LRBA: variants seen among roughly 807,000 people sequenced by gnomAD.
LRBA encodes the protein LPS responsive beige-like anchor protein.
In LRBA, 176 loss-of-function variants were observed where a neutral mutation model predicts 330.0. That is an observed-to-expected ratio of 0.53 (90% CI 0.47 to 0.60). The LOEUF is 0.60. Ranked by LOEUF, LRBA falls within the 20% of genes least tolerant of loss-of-function variation. The pLI is 0.00. For synonymous variants in LRBA, 1,230 were observed against 1,193.0 expected (o/e 1.03, Z -0.64); for missense variants, 3,259 against 3,444.8 (o/e 0.95, Z 1.35).
intron 40 of LRBA, among the ~76,000 whole-genome samples, chr4:150,525,810 A>C (rs1763404552): frequency 6.6e-6 from 1 of 152,174 alleles, no homozygotes; most frequent in African/African-American, 2.4e-5. Flanking sequence ...GCTAGGTTGT[A>C]GGCAAGGAAA....
chr4:150,761,091 T>G (rs981504270), intron 35 of LRBA, among the ~76,000 whole-genome samples: 1 of 152,132 alleles, frequency 6.6e-6, no homozygotes, highest in East Asian at 1.9e-4. Context: ...GTCAGTCACA[T>G]CTTTTAATCT....
chr4:150,412,968 A>G (rs1747224020), intron 47 of LRBA, among the ~76,000 whole-genome samples: 1 of 151,908 alleles, frequency 6.6e-6, no homozygotes, highest in East Asian at 1.9e-4. Flanking sequence ...TATGTTGGAT[A>G]AATGACTTTT....
chr4:150,809,290 C>A (rs1322803103), intron 31 of LRBA, among the ~76,000 whole-genome samples: 1 of 152,192 alleles, frequency 6.6e-6, no homozygotes, highest in Non-Finnish European at 1.5e-5. Context: ...GAAGCAGCAG[C>A]ATCTTAACAC....
At chr4:150,626,375 C>T (rs1776863938) in intron 37 of LRBA, among the ~76,000 whole-genome samples, 1 of 152,120 alleles carries the variant, frequency 6.6e-6, no homozygotes, top group Non-Finnish European at 1.5e-5. Context: ...ATGTGCAGAA[C>T]TGTATTTATC....
chr4:150,697,344 A>AAAAAAAAAAAAAAAAAAAAAAAC (rs1561527638), intron 36 of LRBA, among the ~76,000 whole-genome samples: 1 of 148,740 alleles, frequency 6.7e-6, no homozygotes, highest in African/African-American at 2.5e-5. Flanking sequence ...AAAAAAAAAA[A>AAAAAAAAAAAAAAAAAAAAAAAC]AAAAAAACAG....
At chr4:150,430,930 C>T (rs1483536052) in intron 46 of LRBA, among the ~76,000 whole-genome samples, 1 of 152,006 alleles carries the variant, frequency 6.6e-6, no homozygotes, top group African/African-American at 2.4e-5. Flanking sequence ...TGTACTTCAC[C>T]ATTAGATTGA....
At chr4:150,550,399 T>C (rs1766437182) in intron 40 of LRBA, among the ~76,000 whole-genome samples, 1 of 152,078 alleles carries the variant, frequency 6.6e-6, no homozygotes, top group South Asian at 2.1e-4. Flanking sequence ...CTAGGAAAAT[T>C]ACAAAATACA....
chr4:150,530,324 TAG>T (rs1001176797), intron 40 of LRBA, among the ~76,000 whole-genome samples: 2 of 152,106 alleles, frequency 1.3e-5, no homozygotes, highest in African/African-American at 4.8e-5. Flanking sequence ...AATCTGAACT[TAG>T]AGATAAACAC....
chr4:150,466,149 T>G (rs1269884960), intron 44 of LRBA, among the ~76,000 whole-genome samples: 1 of 152,070 alleles, frequency 6.6e-6, no homozygotes, highest in Admixed American at 6.6e-5. Flanking sequence ...CACTATTGTT[T>G]GTCATGAGGA....
At chr4:150,320,635 T>A (rs115804183) in intron 50 of LRBA, among the ~76,000 whole-genome samples, 2 of 151,564 alleles carry the variant, frequency 1.3e-5, no homozygotes, top group Admixed American at 6.6e-5. Flanking sequence ...AGCGAGCCCA[T>A]CTCTACGAAA....
chr4:150,605,270 T>C (rs1378969018), intron 37 of LRBA, among the ~76,000 whole-genome samples: 1 of 152,230 alleles, frequency 6.6e-6, no homozygotes, highest in Non-Finnish European at 1.5e-5. Flanking sequence ...CTGGTTTTAG[T>C]GTCATTTTAA....
intron 28 of LRBA, among the ~76,000 whole-genome samples, chr4:150,832,638 T>C (rs1480689050): frequency 6.6e-6 from 1 of 151,890 alleles, no homozygotes; most frequent in Non-Finnish European, 1.5e-5. Flanking sequence ...AACAATGATA[T>C]GAGGATAACT....
chr4:150,871,199 T>TC, intron 19 of LRBA, 146 bp downstream of exon 19: 1 of 472,148 alleles, frequency 2.1e-6, no homozygotes, highest in Non-Finnish European at 4.0e-6. Flanking sequence ...GCCAAGACTG[T>TC]ACCACTGCAC....
At chr4:150,367,434 G>C (rs1739611763) in intron 47 of LRBA, among the ~76,000 whole-genome samples, 1 of 152,090 alleles carries the variant, frequency 6.6e-6, no homozygotes, top group South Asian at 2.1e-4. Flanking sequence ...AAAGACTTGG[G>C]GCATTACTGC....
intron 2 of LRBA, among the ~76,000 whole-genome samples, chr4:150,935,590 A>AT (rs898320505): frequency 1.7e-4 from 26 of 152,094 alleles, no homozygotes; most frequent in African/African-American, 4.8e-4. Context: ...TTCCAATATG[A>AT]TTTTTTTCTG....
At chr4:150,785,986 G>T (rs10006912) in intron 34 of LRBA, among the ~76,000 whole-genome samples, 104,929 of 152,142 alleles carry the variant, frequency 0.69, 42,025 homozygotes, top group Non-Finnish European at 0.9. Flanking sequence ...GGAGCCTATT[G>T]AAAAAGTGAA....
At chr4:150,688,523 C>T (rs1374603836) in intron 36 of LRBA, among the ~76,000 whole-genome samples, 2 of 152,122 alleles carry the variant, frequency 1.3e-5, no homozygotes, top group Admixed American at 6.5e-5. Flanking sequence ...AGACAACCTA[C>T]AGAATGAAAG....
chr4:150,651,010 T>C (rs1429529652), intron 37 of LRBA, among the ~76,000 whole-genome samples: 1 of 152,128 alleles, frequency 6.6e-6, no homozygotes, highest in Non-Finnish European at 1.5e-5. Flanking sequence ...AGAATGCAAA[T>C]AGCTCCCTAA....
In LRBA at chr4:150,606,198, CATTT is replaced by C. The variant is rs1249121111; in HGVS notation, c.5922-7071_5922-7068del. ...TCCTGTCTGTTGTTAGCCAGTTGAC[CATTT>C]CTTTCTTCACTTAGAATTTTTACCA... On this transcript the variant is annotated intron_variant, in intron 37 of 56. Coordinates refer to ENST00000651943, the MANE Select transcript of LRBA (RefSeq NM_001364905.1). Among the ~76,000 whole-genome samples the C allele has an allele frequency of 2.0e-5, 3 of 151,922 alleles. No individual in the cohort carries two copies. In the East Asian group the frequency reaches 5.8e-4, roughly 29 times the overall value.
Sources: allele counts gnomAD v4.1 joint callset (sites outside exome capture counted in the v4.1 genomes callset), GRCh38; gene constraint gnomAD v4.1.1; transcripts MANE v1.5; gene names NCBI Gene and HGNC (gene_info 2026-07-23, HGNC 2026-07-21).